The following SEPTIN7 variants were observed in gnomAD, a reference collection of about 807,000 sequenced individuals.
SEPTIN7 encodes the protein septin 7.
A neutral mutation model predicts 63.3 loss-of-function variants in SEPTIN7; 10 were observed. The ratio of observed to expected loss-of-function variants is 0.16; its 90% CI spans 0.10 to 0.27. The LOEUF (loss-of-function observed/expected upper bound fraction) is 0.27. Ranked by LOEUF, SEPTIN7 falls within the 10% of genes least tolerant of loss-of-function variation. SEPTIN7 has a pLI of 1.00. For synonymous variants in SEPTIN7, 131 were observed against 165.3 expected (o/e 0.79, Z 1.59); for missense variants, 310 against 521.0 (o/e 0.59, Z 3.94).
rs1327560972 is a variant in SEPTIN7 at position 35,867,871 on chromosome 7, G to GT, written c.276+4225dup. ...GAAACATTTTATTGGTCCATGAAGT[G>GT]TTTTTTTTTTTTCTTTCCGAGATGG... is the stretch of plus-strand genomic sequence containing the variant. On this transcript the variant is annotated intron_variant, in intron 4 of 13. Coordinates refer to ENST00000350320, the MANE Select transcript of SEPTIN7 (RefSeq NM_001788.6). Among the ~76,000 whole-genome samples, 696 of 144,122 alleles carry GT rather than the reference G, an allele frequency of 4.8e-3. 2 individuals carry two copies. Among genetic ancestry groups the GT allele is most frequent in the Non-Finnish European group, 6.8e-3 (446 of 65,268 alleles). 94.5% of individuals were successfully genotyped at this position (144,122 alleles called of 152,430 possible).
chr7:35,832,816 G>A lies in SEPTIN7; in HGVS notation c.85G>A (p.Gly29Ser). The A allele has an allele frequency of 6.2e-7, 1 of 1,609,526 alleles. No individual in the cohort carries two copies. ...TMVAQQKNLEGYVGFANLPNQ... is the reference protein window; with the variant it reads ...TMVAQQKNLESYVGFANLPNQ... Reference sequence around the variant, plus strand: ...TTGTCAGCAACAGAAGAACCTTGAAGGCTATGTGGGATTTGCCAATCTCCC... The same window carrying A: ...TTGTCAGCAACAGAAGAACCTTGAAAGCTATGTGGGATTTGCCAATCTCCC... The change falls in exon 3 of 14, where the codon GGC (glycine) becomes AGC (serine). Residue 29 changes from glycine to serine, a missense_variant. Gly to Ser is a moderately conservative substitution (Grantham distance 56). This residue lies in a region of SEPTIN7 where 255 missense variants were observed against 490.5 expected (regional missense o/e 0.52). Coordinates refer to ENST00000350320, the MANE Select transcript of SEPTIN7 (RefSeq NM_001788.6).
chr7:35,889,496 C>T (rs944772841), intron 10 of SEPTIN7, among the ~76,000 whole-genome samples: 4 of 152,126 alleles, frequency 2.6e-5, no homozygotes, highest in African/African-American at 7.2e-5. Flanking sequence ...TGTGAAGTAA[C>T]AGTAAAGGTT....
At chr7:35,811,008 A>G (rs1035167214) in intron 1 of SEPTIN7, among the ~76,000 whole-genome samples, 4 of 151,970 alleles carry the variant, frequency 2.6e-5, no homozygotes, top group African/African-American at 7.3e-5. Context: ...ACCTGAGGCA[A>G]TCTGCCCACC....
downstream of SEPTIN7, among the ~76,000 whole-genome samples, chr7:35,908,864 G>A (rs1788686025): frequency 6.6e-6 from 1 of 152,166 alleles, no homozygotes; most frequent in Admixed American, 6.5e-5. Context: ...TCTGGCAAAG[G>A]CATACAACTT....
chr7:35,880,536 C>T (rs2116271718), intron 7 of SEPTIN7, among the ~76,000 whole-genome samples: 1 of 152,080 alleles, frequency 6.6e-6, no homozygotes, highest in Non-Finnish European at 1.5e-5. Context: ...TAAACATCTG[C>T]TCAAATCCTT....
At chr7:35,875,012 AT>A (rs1037086275) in intron 6 of SEPTIN7, among the ~76,000 whole-genome samples, 2 of 152,152 alleles carry the variant, frequency 1.3e-5, no homozygotes, top group Admixed American at 1.3e-4. Context: ...CTTAACCTGC[AT>A]TTAAGTCAAT....
intron 3 of SEPTIN7, among the ~76,000 whole-genome samples, chr7:35,845,462 C>T (rs532986550): frequency 1.3e-5 from 2 of 152,198 alleles, no homozygotes; most frequent in African/African-American, 2.4e-5. Context: ...TATAAACATT[C>T]GGGGCAAATG....
intron 12 of SEPTIN7, chr7:35,900,627 C>G (rs1788267828): frequency 6.6e-6 from 1 of 152,162 alleles, no homozygotes; most frequent in African/African-American, 2.4e-5. Context: ...TACATTATCT[C>G]CACACTTAGA....
At chr7:35,894,017 T>A (rs1203235513) in intron 11 of SEPTIN7, among the ~76,000 whole-genome samples, 1 of 151,526 alleles carries the variant, frequency 6.6e-6, no homozygotes, top group Non-Finnish European at 1.5e-5. Context: ...ACCTCTCAAA[T>A]CAAAGAAAAT....
intron 7 of SEPTIN7, among the ~76,000 whole-genome samples, chr7:35,880,223 C>CTTTTTTTTTTTTTTTTTTTTTCT: frequency 1.4e-5 from 1 of 72,776 alleles, no homozygotes; most frequent in African/African-American, 6.0e-5. Context: ...TTTTTCTTTT[C>CTTTTTTTTTTTTTTTTTTTTTCT]TTTTTTTTTT....
chr7:35,867,821 G>C (rs1183931170), intron 4 of SEPTIN7, among the ~76,000 whole-genome samples: 2 of 150,934 alleles, frequency 1.3e-5, no homozygotes, highest in African/African-American at 4.9e-5. Flanking sequence ...AAAGTTCTTA[G>C]TTGGAAACTA....
intron 2 of SEPTIN7, chr7:35,832,070 T>G (rs1783860450): frequency 2.2e-6 from 1 of 451,920 alleles, no homozygotes; most frequent in Non-Finnish European, 4.4e-6. Context: ...CTACACCAAT[T>G]TGGAAGTAGA....
At chr7:35,852,968 A>T (rs1785032082) in intron 3 of SEPTIN7, among the ~76,000 whole-genome samples, 1 of 152,152 alleles carries the variant, frequency 6.6e-6, no homozygotes. Context: ...AGAGGTTATG[A>T]TTTAGTTTCA....
chr7:35,836,775 A>G (rs1234718936), intron 3 of SEPTIN7, among the ~76,000 whole-genome samples: 2 of 152,194 alleles, frequency 1.3e-5, no homozygotes, highest in Non-Finnish European at 2.9e-5. Context: ...AGGTTATTTG[A>G]AAAAATTGAA....
intron 1 of SEPTIN7, 52 bp downstream of exon 1, chr7:35,801,322 G>T (rs1448438248): frequency 1.3e-6 from 2 of 1,511,872 alleles, no homozygotes; most frequent in African/African-American, 2.9e-5. Context: ...TCCGAATGCC[G>T]GGAAGCTCTG....
intron 3 of SEPTIN7, among the ~76,000 whole-genome samples, chr7:35,839,943 CAG>C (rs1220028561): frequency 4.6e-5 from 7 of 152,218 alleles, no homozygotes; most frequent in African/African-American, 7.2e-5. Flanking sequence ...TTTAAACACA[CAG>C]AGTTTTGTTA....
At chr7:35,896,037 G>C (rs6946073) in intron 11 of SEPTIN7, among the ~76,000 whole-genome samples, 144,163 of 152,294 alleles carry the variant, frequency 0.95, 68,661 homozygotes, top group East Asian at 1. Context: ...TTTCAAACTC[G>C]TGACTTTGTG....
At chr7:35,860,583 T>C (rs1785451410) in intron 3 of SEPTIN7, among the ~76,000 whole-genome samples, 1 of 152,218 alleles carries the variant, frequency 6.6e-6, no homozygotes, top group South Asian at 2.1e-4. Flanking sequence ...TGTCTTTATT[T>C]CTACCTTGTT....
intron 11 of SEPTIN7, among the ~76,000 whole-genome samples, chr7:35,897,295 G>T (rs532913187): frequency 2.6e-5 from 4 of 152,188 alleles, no homozygotes; most frequent in South Asian, 2.1e-4. Flanking sequence ...TTGTCCCAGG[G>T]TATTGAATAA....
Sources: gnomAD v4.1 joint callset for allele counts (sites outside exome capture counted in the v4.1 genomes callset) on GRCh38, gnomAD v4.1.1 for gene constraint, gnomAD v4.1.1 regional missense constraint, MANE v1.5 for transcripts, NCBI Gene and HGNC (gene_info 2026-07-23, HGNC 2026-07-21) for gene names.